The following SGCZ variants were observed in gnomAD, a reference collection of about 807,000 sequenced individuals.
SGCZ encodes the protein zeta-sarcoglycan.
A neutral mutation model predicts 41.3 loss-of-function variants in SGCZ; 40 were observed. That is an observed-to-expected ratio of 0.97 (90% confidence interval 0.75 to 1.26). The LOEUF (loss-of-function observed/expected upper bound fraction) is 1.26, where lower values mean the gene tolerates loss of function less well. Among genes scored for constraint, SGCZ ranks in the 50% most tolerant of loss-of-function variants. SGCZ has a pLI of 0.00. For missense variants in SGCZ, 552 were observed against 369.8 expected (o/e 1.49, Z -4.04); for synonymous variants, 206 against 137.5 (o/e 1.50, Z -3.49).
rs558934959 is a variant in SGCZ, at chr8:14,981,846, A to T, written c.39+255739T>A. On this transcript the variant is annotated intron_variant, in intron 1 of 7. Transcript: ENST00000382080. ...AAAGTATATTCTCTACTCAAACATC[A>T]TTTCAAAAGGGAATGACATTAGGCT... 5.3e-5 allele frequency among the ~76,000 whole-genome samples: 8 copies of T among 152,258 alleles called. No homozygotes were observed. The South Asian group carries it at 1.7e-3, about 32-fold the overall frequency.
intron 1 of SGCZ, among the ~76,000 whole-genome samples, chr8:14,962,969 G>C (rs531691185): frequency 6.6e-6 from 1 of 152,278 alleles, no homozygotes; most frequent in African/African-American, 2.4e-5. Context: ...GGTCTCCTCA[G>C]GGTTTACTTT....
chr8:14,230,738 TCTTTC>T (rs1442399037), intron 4 of SGCZ, among the ~76,000 whole-genome samples: 1 of 143,178 alleles, frequency 7.0e-6, no homozygotes, highest in Non-Finnish European at 1.5e-5. Flanking sequence ...ATTCTTGTCT[TCTTTC>T]CTTCTTTTTT....
intron 2 of SGCZ, among the ~76,000 whole-genome samples, chr8:14,341,003 G>A (rs912983298): frequency 9.9e-5 from 15 of 152,060 alleles, no homozygotes; most frequent in Middle Eastern, 3.2e-3. Flanking sequence ...TGAACTGCTC[G>A]AGGAGCCTCA....
chr8:15,226,948 T>G (rs765724746), intron 1 of SGCZ, among the ~76,000 whole-genome samples: 37 of 151,904 alleles, frequency 2.4e-4, no homozygotes, highest in Non-Finnish European at 4.7e-4. Context: ...AAATGAATGG[T>G]GAAATACTAA....
At chr8:14,875,790 A>G (rs2130712163) in intron 1 of SGCZ, among the ~76,000 whole-genome samples, 1 of 152,280 alleles carries the variant, frequency 6.6e-6, no homozygotes, top group South Asian at 2.1e-4. Context: ...CAGCTATGTT[A>G]TAAATAAGGA....
chr8:14,521,163 G>T (rs1337355140), intron 2 of SGCZ, among the ~76,000 whole-genome samples: 1 of 152,102 alleles, frequency 6.6e-6, no homozygotes, highest in Non-Finnish European at 1.5e-5. Context: ...TCCATCACCA[G>T]AAGGATCCCT....
intron 5 of SGCZ, among the ~76,000 whole-genome samples, chr8:14,163,326 C>T (rs1382442904): frequency 2.0e-5 from 3 of 152,140 alleles, no homozygotes; most frequent in Admixed American, 6.6e-5. Context: ...TCCCAACTTC[C>T]GCCCGCTTAC....
intron 1 of SGCZ, among the ~76,000 whole-genome samples, chr8:14,691,230 A>G (rs17267649): frequency 0.017 from 2,583 of 152,298 alleles, 43 homozygotes; most frequent in South Asian, 0.083. Flanking sequence ...GGTGAATGAA[A>G]GAATTATCTT....
intron 1 of SGCZ, among the ~76,000 whole-genome samples, chr8:15,233,184 A>C (rs1271217523): frequency 1.3e-5 from 2 of 152,052 alleles, no homozygotes; most frequent in Admixed American, 6.6e-5. Flanking sequence ...GGCTGCTAAA[A>C]ATATGCCATT....
At chr8:14,832,884 G>GT (rs969499930) in intron 1 of SGCZ, among the ~76,000 whole-genome samples, 5 of 151,834 alleles carry the variant, frequency 3.3e-5, no homozygotes, top group East Asian at 1.9e-4. Context: ...TAATAGGTAG[G>GT]TTTTTTTAAC....
intron 2 of SGCZ, among the ~76,000 whole-genome samples, chr8:14,531,801 T>C (rs989268): frequency 0.14 from 21,991 of 152,036 alleles, 1,696 homozygotes; most frequent in South Asian, 0.21. Context: ...ACTAGGAATG[T>C]CTAGTAGATT....
At chr8:15,085,412 G>A (rs1438005882) in intron 1 of SGCZ, among the ~76,000 whole-genome samples, 4 of 152,104 alleles carry the variant, frequency 2.6e-5, no homozygotes, top group African/African-American at 9.7e-5. Flanking sequence ...TGCAGTACAC[G>A]ATGGGTCCAT....
intron 1 of SGCZ, among the ~76,000 whole-genome samples, chr8:14,827,330 A>T (rs1802368707): frequency 6.8e-6 from 1 of 147,454 alleles, no homozygotes; most frequent in South Asian, 2.1e-4. Context: ...TCTGTCTCCC[A>T]GGTTCAAGCG....
chr8:14,745,494 G>C (rs1324749111), intron 1 of SGCZ, among the ~76,000 whole-genome samples: 1 of 152,058 alleles, frequency 6.6e-6, no homozygotes, highest in Non-Finnish European at 1.5e-5. Flanking sequence ...GAGGTGGGAG[G>C]ATGCTTGAGC....
chr8:15,034,394 T>C (rs574745820), intron 1 of SGCZ, among the ~76,000 whole-genome samples: 1 of 151,992 alleles, frequency 6.6e-6, no homozygotes, highest in African/African-American at 2.4e-5. Flanking sequence ...TGAAGGTAGG[T>C]TACTTTCAAA....
chr8:15,106,736 T>A (rs1806840333), intron 1 of SGCZ, among the ~76,000 whole-genome samples: 1 of 152,094 alleles, frequency 6.6e-6, no homozygotes, highest in Admixed American at 6.6e-5. Flanking sequence ...TTTTTTTTCT[T>A]ATCTGATTAT....
intron 1 of SGCZ, among the ~76,000 whole-genome samples, chr8:15,085,850 T>C (rs1005451216): frequency 6.6e-6 from 1 of 152,162 alleles, no homozygotes; most frequent in Non-Finnish European, 1.5e-5. Flanking sequence ...CTTGTCTGCA[T>C]ACCCCTGTGG....
At position 14,140,570 on chromosome 8, in the gene SGCZ, A is replaced by G. The variant is rs188931554; in HGVS notation, c.547+24010T>C. ...AATAGTGAGTGAACTCTCATTCACA[A>G]CTGCTTCAAAGAGAATAAAATACCT... On this transcript the variant is annotated intron_variant, in intron 5 of 7. Coordinates refer to ENST00000382080, the MANE Select transcript of SGCZ (RefSeq NM_139167.4). Among the ~76,000 whole-genome samples the G allele has an allele frequency of 1.0e-3, 152 of 152,308 alleles. 2 individuals carry two copies. In the East Asian group the frequency reaches 0.019, roughly 20 times the overall value.
chr8:14,601,192 A>G (rs1177150210), intron 1 of SGCZ, among the ~76,000 whole-genome samples: 4 of 151,952 alleles, frequency 2.6e-5, no homozygotes, highest in Non-Finnish European at 5.9e-5. Context: ...TAATTTATTC[A>G]TTTCACTGCT....
Sources: gnomAD v4.1 joint callset for allele counts (sites outside exome capture counted in the v4.1 genomes callset) on GRCh38, gnomAD v4.1.1 for gene constraint, MANE v1.5 for transcripts, NCBI Gene and HGNC (gene_info 2026-07-23, HGNC 2026-07-21) for gene names.